SDK1: variants seen among roughly 807,000 people sequenced by gnomAD.
SDK1 encodes protein sidekick-1.
SDK1 carries 157 observed loss-of-function variants against 245.5 expected under a neutral mutation model. The ratio of observed to expected loss-of-function variants is 0.64; its 90% CI spans 0.56 to 0.73. The LOEUF is 0.73. Ranked by LOEUF, SDK1 falls within the 30% of genes least tolerant of loss-of-function variation. SDK1 has a pLI of 0.00. For missense variants in SDK1, 3,583 were observed against 3,002.3 expected (o/e 1.19, Z -4.52); for synonymous variants, 1,647 against 1,278.5 (o/e 1.29, Z -6.15).
chr7:3,532,279 A>G (rs578029710), intron 1 of SDK1, among the ~76,000 whole-genome samples: 54 of 152,290 alleles, frequency 3.5e-4, no homozygotes, highest in Middle Eastern at 6.8e-3. Flanking sequence ...CTGGTAAGCC[A>G]GGATCCAGGG....
In SDK1 at chr7:4,158,527, G is replaced by C; in HGVS notation, c.4705G>C (p.Glu1569Gln). Residue 1569 changes from glutamate (E) to glutamine (Q), a missense_variant, in exon 31 of 45, where the codon GAG becomes CAG. Glu to Gln is a conservative substitution (Grantham distance 29). Coordinates refer to ENST00000404826, the MANE Select transcript of SDK1 (RefSeq NM_152744.4). The part of the protein sequence containing the change: ...IGDSDFSSET[E>Q]AVTTLQDVPG... ...GGACAGTGACTTCAGTTCAGAGACA[G>C]AGGCGGTGACCACGCTGCAGGATGG... 6.2e-7 allele frequency: 1 copy of C among 1,613,696 alleles called. No individual in the cohort carries two copies. The highest frequency in any genetic ancestry group is 8.5e-7 in the Non-Finnish European group (1 of 1,179,934).
chr7:3,720,534 C>G (rs1199330167), intron 4 of SDK1, among the ~76,000 whole-genome samples: 1 of 152,166 alleles, frequency 6.6e-6, no homozygotes, highest in Non-Finnish European at 1.5e-5. Context: ...GGAGATATCA[C>G]TACAAACCCA....
intron 1 of SDK1, among the ~76,000 whole-genome samples, chr7:3,366,631 G>A (rs1238777889): frequency 6.6e-6 from 1 of 152,140 alleles, no homozygotes; most frequent in African/African-American, 2.4e-5. Flanking sequence ...CATTTATGGG[G>A]ATAGTTGAAC....
intron 1 of SDK1, among the ~76,000 whole-genome samples, chr7:3,578,187 G>T (rs1024398727): frequency 6.6e-6 from 1 of 151,902 alleles, no homozygotes. Flanking sequence ...TTGGGCCGCC[G>T]GGGGTGACAT....
At chr7:3,521,845 C>G (rs1782950314) in intron 1 of SDK1, among the ~76,000 whole-genome samples, 1 of 152,112 alleles carries the variant, frequency 6.6e-6, no homozygotes, top group Non-Finnish European at 1.5e-5. Context: ...AGTGGAATTT[C>G]AATTTGAATT....
intron 40 of SDK1, among the ~76,000 whole-genome samples, chr7:4,224,507 G>T (rs1304679789): frequency 6.6e-6 from 1 of 152,188 alleles, no homozygotes; most frequent in African/African-American, 2.4e-5. Context: ...ACCCACTGCT[G>T]TGATCCAAAC....
chr7:3,705,644 T>C (rs1481031188), intron 4 of SDK1, among the ~76,000 whole-genome samples: 1 of 152,100 alleles, frequency 6.6e-6, no homozygotes, highest in Non-Finnish European at 1.5e-5. Flanking sequence ...TCGAATCAAG[T>C]AGTCCTTTAG....
chr7:3,632,645 T>C (rs989844225), intron 2 of SDK1, among the ~76,000 whole-genome samples: 1 of 152,220 alleles, frequency 6.6e-6, no homozygotes, highest in Non-Finnish European at 1.5e-5. Flanking sequence ...CTTTTACAAA[T>C]ATTGTGTTCC....
In SDK1 at chr7:3,346,825, A is replaced by ATTT. The variant is rs1421251144; in HGVS notation, c.298+44942_298+44943insTTT. ...TGTGTGTGTATATATATATATATATATATTTTTTTTTTTTTTTTTTTTTTT... is the reference window on the plus strand; with the variant it reads ...TGTGTGTGTATATATATATATATATATTTTATTTTTTTTTTTTTTTTTTTTTTT... On this transcript the variant is annotated intron_variant, in intron 1 of 44. Coordinates refer to ENST00000404826, the MANE Select transcript of SDK1 (RefSeq NM_152744.4). 3.5e-3 allele frequency among the ~76,000 whole-genome samples: 96 copies of ATTT among 27,572 alleles called. 2 individuals are homozygous for ATTT. Among genetic ancestry groups the ATTT allele is most frequent in the African/African-American group, 0.013 (77 of 6,030 alleles). The allele number at this position is 27,572 out of a possible 152,430, so 18.1% of individuals were successfully genotyped here.
At chr7:3,784,249 C>G (rs1048797331) in intron 4 of SDK1, among the ~76,000 whole-genome samples, 1 of 151,468 alleles carries the variant, frequency 6.6e-6, no homozygotes, top group Non-Finnish European at 1.5e-5. Flanking sequence ...AGATATTATG[C>G]CAAGAATATG....
intron 1 of SDK1, among the ~76,000 whole-genome samples, chr7:3,462,704 A>G (rs145959870): frequency 1.2e-4 from 18 of 151,812 alleles, no homozygotes; most frequent in African/African-American, 3.9e-4. Context: ...TTATCACCAT[A>G]TTTTCACCTC....
intron 28 of SDK1, among the ~76,000 whole-genome samples, chr7:4,132,873 T>C (rs766536552): frequency 1.2e-4 from 18 of 152,234 alleles, no homozygotes; most frequent in Non-Finnish European, 2.2e-4. Context: ...GAGATGATCA[T>C]GGGCCTCTTG....
intron 4 of SDK1, among the ~76,000 whole-genome samples, chr7:3,690,440 T>G (rs1179280097): frequency 6.6e-6 from 1 of 152,236 alleles, no homozygotes. Flanking sequence ...GGATTTATCC[T>G]TTTATAATCC....
chr7:4,047,744 C>G (rs1789125146), intron 17 of SDK1, among the ~76,000 whole-genome samples: 1 of 152,320 alleles, frequency 6.6e-6, no homozygotes. Flanking sequence ...TTGGACAGGC[C>G]CATCTTTCCT....
intron 19 of SDK1, among the ~76,000 whole-genome samples, chr7:4,058,257 A>C (rs965222184): frequency 1.3e-5 from 2 of 152,210 alleles, no homozygotes; most frequent in African/African-American, 4.8e-5. Flanking sequence ...ATTGACTGAA[A>C]TTTAAAAATA....
intron 5 of SDK1, among the ~76,000 whole-genome samples, chr7:3,939,987 G>A (rs1012904946): frequency 1.3e-5 from 2 of 152,266 alleles, no homozygotes; most frequent in African/African-American, 2.4e-5. Flanking sequence ...CTTGAGACGC[G>A]TAGGCAATGT....
chr7:3,649,591 T>C (rs1236334734), intron 4 of SDK1, among the ~76,000 whole-genome samples: 1 of 152,160 alleles, frequency 6.6e-6, no homozygotes, highest in Non-Finnish European at 1.5e-5. Context: ...ATAATAATAA[T>C]AATTAATGAT....
intron 17 of SDK1, among the ~76,000 whole-genome samples, chr7:4,034,228 A>G (rs935944044): frequency 1.3e-5 from 2 of 152,202 alleles, no homozygotes; most frequent in Non-Finnish European, 2.9e-5. Flanking sequence ...GTCAAGAACT[A>G]CTCCAGATTG....
intron 1 of SDK1, among the ~76,000 whole-genome samples, chr7:3,618,503 A>G (rs958989513): frequency 2.0e-5 from 3 of 152,158 alleles, no homozygotes; most frequent in African/African-American, 7.2e-5. Context: ...TTGTTGCTGC[A>G]TTCTCGCTGC....
Sources: allele counts gnomAD v4.1 joint callset (sites outside exome capture counted in the v4.1 genomes callset), GRCh38; gene constraint gnomAD v4.1.1; transcripts MANE v1.5; gene names NCBI Gene and HGNC (gene_info 2026-07-23, HGNC 2026-07-21).